The following ZBTB2 variants were observed in gnomAD, a reference collection of about 807,000 sequenced individuals.
The protein encoded by ZBTB2 is zinc finger and BTB domain-containing protein 2.
A neutral mutation model predicts 39.5 loss-of-function variants in ZBTB2; 2 were observed. That is an observed-to-expected ratio of 0.05 (90% CI 0.02 to 0.16). The LOEUF is 0.16. Ranked by LOEUF, ZBTB2 falls within the 10% of genes least tolerant of loss-of-function variation. ZBTB2 has a pLI of 1.00. For synonymous variants in ZBTB2, 251 were observed against 256.6 expected (o/e 0.98, Z 0.21); for missense variants, 391 against 653.0 (o/e 0.60, Z 4.37).
chr6:151,379,043 A>G (rs183212183), intron 1 of ZBTB2, among the ~76,000 whole-genome samples: 21 of 152,324 alleles, frequency 1.4e-4, no homozygotes, highest in Non-Finnish European at 2.6e-4. Context: ...GCTACATGAC[A>G]GTGTGTTTGT....
chr6:151,389,431 T>G (rs1779234692), intron 1 of ZBTB2, among the ~76,000 whole-genome samples: 1 of 152,218 alleles, frequency 6.6e-6, no homozygotes, highest in South Asian at 2.1e-4. Flanking sequence ...CAATTCTCTA[T>G]TAAACGTTCA....
Sources: gnomAD v4.1 joint callset for allele counts (sites outside exome capture counted in the v4.1 genomes callset) on GRCh38, gnomAD v4.1.1 for gene constraint, MANE v1.5 for transcripts, NCBI Gene and HGNC (gene_info 2026-07-23, HGNC 2026-07-21) for gene names.